Variants in PPARGC1B observed in about 807,000 individuals in gnomAD.
PPARGC1B encodes PPARG coactivator 1 beta, also known as peroxisome proliferator-activated receptor gamma coactivator 1-beta.
In PPARGC1B, 34 loss-of-function variants were observed where a neutral mutation model predicts 101.6. That is an observed-to-expected ratio of 0.33 (90% CI 0.25 to 0.45). PPARGC1B has a LOEUF of 0.45. PPARGC1B is among the 20% of genes least tolerant of loss of function. The pLI, the probability that PPARGC1B is intolerant of heterozygous loss-of-function variation, is 1.00. For missense variants in PPARGC1B, 1,234 were observed against 1,317.6 expected (o/e 0.94, Z 0.98); for synonymous variants, 548 against 539.3 (o/e 1.02, Z -0.22).
In PPARGC1B at chr5:149,836,984, G is replaced by A. The variant is rs531833775; in HGVS notation, c.2529G>A (p.Lys843=). The part of the protein sequence containing the change: ...DHCPYQSPPS[K]ANRQLCSRSR... ...GCCCCTACCAGAGCCCACCAAGCAA[G>A]GCCAACCGGCAGCTCTGTTCCCGCA... The change falls in exon 8 of 12, where the codon AAG becomes AAA. Residue 843 remains lysine, a synonymous_variant. Transcript: ENST00000309241. The A allele has an allele frequency of 1.9e-4, 302 of 1,614,070 alleles. No individual in the cohort carries two copies. The highest frequency in any genetic ancestry group is 1.0e-3 in the South Asian group (93 of 91,078).
chr5:149,739,005 A>C (rs552719733), intron 1 of PPARGC1B, among the ~76,000 whole-genome samples: 1 of 152,228 alleles, frequency 6.6e-6, no homozygotes, highest in African/African-American at 2.4e-5. Context: ...CTGGATTGAA[A>C]GCTCTGGGAG....
intron 1 of PPARGC1B, among the ~76,000 whole-genome samples, chr5:149,806,077 G>A (rs1757587353): frequency 6.6e-6 from 1 of 152,202 alleles, no homozygotes; most frequent in African/African-American, 2.4e-5. Context: ...CCTGGCCTGG[G>A]TTATTGGGGA....
At chr5:149,743,155 CTTTT>C (rs1181226228) in intron 1 of PPARGC1B, among the ~76,000 whole-genome samples, 2 of 134,348 alleles carry the variant, frequency 1.5e-5, no homozygotes, top group Middle Eastern at 3.5e-3. Flanking sequence ...TGTGTTTATT[CTTTT>C]TTTTTTTTTT....
intron 1 of PPARGC1B, among the ~76,000 whole-genome samples, chr5:149,786,666 AGCT>A (rs1756823179): frequency 1.3e-5 from 2 of 152,094 alleles, no homozygotes; most frequent in Non-Finnish European, 2.9e-5. Flanking sequence ...ACTGGACATG[AGCT>A]GCTGATGGAG....
chr5:149,745,135 A>G (rs1348372511), intron 1 of PPARGC1B, among the ~76,000 whole-genome samples: 1 of 152,060 alleles, frequency 6.6e-6, no homozygotes, highest in African/African-American at 2.4e-5. Context: ...TCCTAGGCTC[A>G]AGCGATCCTA....
At chr5:149,857,334 G>A (rs1043130779), downstream of PPARGC1B, among the ~76,000 whole-genome samples, 4 of 152,214 alleles carry the variant, frequency 2.6e-5, no homozygotes, top group Non-Finnish European at 5.9e-5. Flanking sequence ...GAGAGGCACT[G>A]CAAGGATCTT....
intron 1 of PPARGC1B, among the ~76,000 whole-genome samples, chr5:149,759,748 A>T (rs1269312427): frequency 6.6e-6 from 1 of 152,220 alleles, no homozygotes; most frequent in Non-Finnish European, 1.5e-5. Flanking sequence ...CAGCAGCAGC[A>T]TGGGGCAGCT....
At chr5:149,767,538 G>A (rs2113174005) in intron 1 of PPARGC1B, among the ~76,000 whole-genome samples, 1 of 152,282 alleles carries the variant, frequency 6.6e-6, no homozygotes, top group South Asian at 2.1e-4. Context: ...AGATGAGGCT[G>A]GAGCATCATT....
At chr5:149,815,983 C>T (rs1758038029) in intron 1 of PPARGC1B, among the ~76,000 whole-genome samples, 2 of 152,204 alleles carry the variant, frequency 1.3e-5, no homozygotes, top group African/African-American at 4.8e-5. Flanking sequence ...TCCATAATAG[C>T]AGCGGCTGTT....
At position 149,748,778 on chromosome 5, in the gene PPARGC1B, C is replaced by G. The variant is rs191672471; in HGVS notation, c.78+18358C>G. 2.4e-4 allele frequency among the ~76,000 whole-genome samples: 36 copies of G among 152,198 alleles called. No homozygotes were observed. The East Asian group carries it at 6.6e-3, about 28-fold the overall frequency. Reference sequence around the variant, plus strand: ...AGGCTCTGAGCTGACTGGAGGACTCCCCATGGGGGTGAGGAACAGACAGCA... The same window carrying G: ...AGGCTCTGAGCTGACTGGAGGACTCGCCATGGGGGTGAGGAACAGACAGCA... On this transcript the variant is annotated intron_variant, in intron 1 of 11. Coordinates refer to ENST00000309241, the MANE Select transcript of PPARGC1B (RefSeq NM_133263.4).
At chr5:149,797,384 G>A (rs1352181657) in intron 1 of PPARGC1B, among the ~76,000 whole-genome samples, 4 of 152,144 alleles carry the variant, frequency 2.6e-5, no homozygotes, top group African/African-American at 9.7e-5. Context: ...AGTATTAGTG[G>A]TAACGGTGAC....
intron 1 of PPARGC1B, among the ~76,000 whole-genome samples, chr5:149,764,318 C>G (rs1337344797): frequency 6.6e-6 from 1 of 152,146 alleles, no homozygotes; most frequent in Non-Finnish European, 1.5e-5. Flanking sequence ...GGAAGAGGAC[C>G]AGAGGGACCT....
chr5:149,755,046 C>CATACATATATATATAT (rs1438235435), intron 1 of PPARGC1B, among the ~76,000 whole-genome samples: 1 of 105,604 alleles, frequency 9.5e-6, no homozygotes, highest in East Asian at 2.3e-4. Context: ...TATACATATA[C>CATACATATATATATAT]ATATACATAT....
intron 1 of PPARGC1B, among the ~76,000 whole-genome samples, chr5:149,778,061 TCTCACACACACA>T (rs1198473123): frequency 2.1e-4 from 1 of 4,816 alleles, no homozygotes; most frequent in Non-Finnish European, 2.8e-4. Context: ...TGTAGCAGCA[TCTCACACACACA>T]CACACACACA....
chr5:149,847,692 A>G lies in PPARGC1B; in HGVS notation c.*134A>G. Reference sequence around the variant, plus strand: ...AGAACACCCGTGAGAGAGACTTGAAACTGCTGTCCTTTAAAAAAAAAAAAA... The same window carrying G: ...AGAACACCCGTGAGAGAGACTTGAAGCTGCTGTCCTTTAAAAAAAAAAAAA... On this transcript the variant is annotated 3_prime_UTR_variant, in exon 12 of 12. Coordinates refer to ENST00000309241, the MANE Select transcript of PPARGC1B (RefSeq NM_133263.4). 1 of 652,030 alleles carries G rather than the reference A, an allele frequency of 1.5e-6. No homozygotes were observed. 40.4% of individuals were successfully genotyped at this position (652,030 alleles called of 1,614,324 possible).
chr5:149,752,966 T>C (rs1048997498), intron 1 of PPARGC1B, among the ~76,000 whole-genome samples: 2 of 152,232 alleles, frequency 1.3e-5, no homozygotes, highest in African/African-American at 2.4e-5. Context: ...TAATTTCTAA[T>C]GTGTTCTTCC....
chr5:149,759,928 C>T (rs1053319639), intron 1 of PPARGC1B, among the ~76,000 whole-genome samples: 1 of 152,216 alleles, frequency 6.6e-6, no homozygotes, highest in Non-Finnish European at 1.5e-5. Context: ...GGCTTTTCCA[C>T]TGCATCTTCC....
intron 1 of PPARGC1B, among the ~76,000 whole-genome samples, chr5:149,810,724 TGGACAGGTCACACG>T (rs1161905524): frequency 6.6e-6 from 1 of 152,166 alleles, no homozygotes; most frequent in African/African-American, 2.4e-5. Context: ...GAAACTGGTC[TGGACAGGTCACACG>T]GGAGATCCCG....
chr5:149,737,466 C>G (rs1754762515), intron 1 of PPARGC1B, among the ~76,000 whole-genome samples: 2 of 152,270 alleles, frequency 1.3e-5, no homozygotes, highest in South Asian at 2.1e-4. Context: ...CATGATTCAT[C>G]CTGCGAGCCC....
Sources: allele counts gnomAD v4.1 joint callset (sites outside exome capture counted in the v4.1 genomes callset), GRCh38; gene constraint gnomAD v4.1.1; transcripts MANE v1.5; gene names NCBI Gene and HGNC (gene_info 2026-07-23, HGNC 2026-07-21).